Variants in DOCK11 observed in about 807,000 individuals in gnomAD.
The protein encoded by DOCK11 is dedicator of cytokinesis protein 11.
A neutral mutation model predicts 169.1 loss-of-function variants in DOCK11; 70 were observed. That is an observed-to-expected ratio of 0.41 (90% CI 0.34 to 0.51). The LOEUF (loss-of-function observed/expected upper bound fraction) is 0.51, where lower values mean the gene tolerates loss of function less well. Among genes scored for constraint, DOCK11 ranks in the 20% least tolerant of loss-of-function variants. DOCK11 has a pLI of 0.10. For missense variants in DOCK11, 1,166 were observed against 1,538.8 expected, an observed-to-expected ratio of 0.76 and a Z score of 4.05; for synonymous variants, 529 against 541.3, an observed-to-expected ratio of 0.98 and a Z score of 0.32.
At chrX:118,596,368 C>T (rs1178983605) in intron 20 of DOCK11, among the ~76,000 whole-genome samples, 2 of 112,336 alleles carry the variant, frequency 1.8e-5, no homozygotes, top group African/African-American at 6.5e-5. Flanking sequence ...ATGTTTTAGT[C>T]TCCTTTTAAG....
chrX:118,670,408 G>A (rs1225998464), intron 45 of DOCK11, among the ~76,000 whole-genome samples: 1 of 111,555 alleles, frequency 9.0e-6, no homozygotes, highest in Non-Finnish European at 1.9e-5. Flanking sequence ...TGTTATTCTG[G>A]CAGCGCTGGT....
At chrX:118,665,116 C>T (rs201260865) in intron 45 of DOCK11, among the ~76,000 whole-genome samples, 1 of 111,792 alleles carries the variant, frequency 8.9e-6, no homozygotes, top group African/African-American at 3.2e-5. Context: ...ACAATACATG[C>T]GAAAACTTAA....
intron 45 of DOCK11, among the ~76,000 whole-genome samples, chrX:118,667,078 G>A (rs1162734136): frequency 9.0e-6 from 1 of 111,023 alleles, no homozygotes; most frequent in Non-Finnish European, 1.9e-5. Flanking sequence ...ACTTTTTATT[G>A]TTGTTTTGTG....
chrX:118,656,020 T>C (rs2016058878), intron 44 of DOCK11, among the ~76,000 whole-genome samples: 1 of 111,534 alleles, frequency 9.0e-6, no homozygotes, highest in Non-Finnish European at 1.9e-5. Flanking sequence ...CCGAGTGTGG[T>C]GACTCAGACC....
intron 5 of DOCK11, 152 bp from the exon 6 acceptor site, chrX:118,545,869 C>A (rs1319230786): frequency 4.7e-6 from 2 of 428,732 alleles, no homozygotes; most frequent in East Asian, 7.6e-5. Flanking sequence ...GCCTTTCATT[C>A]TACAGTCAAC....
rs1244622526 is a variant in DOCK11 at position 118,681,693 on chromosome X, G to A, written c.5863-1G>A. ...CTCATTTTTCTTCTATTGTGATATA[G>A]GTCAATGCTGGTCCATTAGCATATG... On this transcript the variant is annotated splice_acceptor_variant, in intron 50 of 52. Coordinates refer to ENST00000276202, the MANE Select transcript of DOCK11 (RefSeq NM_144658.4). LOFTEE classifies it high-confidence loss of function. The A allele has an allele frequency of 4.2e-6, 5 of 1,177,749 alleles. No homozygotes were observed. The highest frequency in any genetic ancestry group is 5.7e-6 in the Non-Finnish European group (5 of 875,989).
At chrX:118,527,910 A>C (rs1347114690) in intron 1 of DOCK11, among the ~76,000 whole-genome samples, 2 of 112,356 alleles carry the variant, frequency 1.8e-5, no homozygotes, top group African/African-American at 6.5e-5. Context: ...AGAATTGACT[A>C]AACCCCCAGA....
intron 1 of DOCK11, among the ~76,000 whole-genome samples, chrX:118,496,403 C>T (rs1423109756): frequency 8.9e-6 from 1 of 112,455 alleles, no homozygotes; most frequent in East Asian, 2.8e-4. Context: ...TGACCTCGCG[C>T]TGCTCTGGAC....
chrX:118,672,391 A>T (rs1462974630), intron 46 of DOCK11, among the ~76,000 whole-genome samples: 1 of 112,741 alleles, frequency 8.9e-6, no homozygotes, highest in Middle Eastern at 4.6e-3. Flanking sequence ...AAGCCATTTT[A>T]AAAAAGCAAG....
At position 118,598,039 on chromosome X, in the gene DOCK11, G is replaced by C. The variant is rs147382406; in HGVS notation, c.2395G>C (p.Val799Leu). The change falls in exon 22 of 53, where the codon GTG (valine) becomes CTG (leucine). Residue 799 changes from valine (V) to leucine (L), a missense_variant. Physicochemically the swap from Val to Leu is conservative, Grantham distance 32 (BLOSUM62 1). Coordinates refer to ENST00000276202, the MANE Select transcript of DOCK11 (RefSeq NM_144658.4). ...AATTTTCTGTTCACAGCAATGTAAC[G>C]TGGATATTAAATGGGTAGATGGTGC... ...NDAESRRQCNVDIKWVDGAKP... is the reference protein window; with the variant it reads ...NDAESRRQCNLDIKWVDGAKP... 2 of 1,184,851 alleles carry C rather than the reference G, an allele frequency of 1.7e-6. No individual in the cohort carries two copies. Among genetic ancestry groups the C allele is most frequent in the African/African-American group, 3.5e-5 (2 of 56,839 alleles).
At position 118,658,830 on chromosome X, in the gene DOCK11, C is replaced by G. The variant is rs192300263; in HGVS notation, c.4970-3856C>G. 3.6e-5 allele frequency among the ~76,000 whole-genome samples: 4 copies of G among 111,844 alleles called. No individual in the cohort carries two copies. In the East Asian group the frequency reaches 1.1e-3, roughly 31 times the overall value. ...TTTTTTCTTTTCCTAAGAGAGGGTA[C>G]AACTGTTTTCCCCAGGGAAGACAAG... On this transcript the variant is annotated intron_variant, in intron 44 of 52. Coordinates refer to ENST00000276202, the MANE Select transcript of DOCK11 (RefSeq NM_144658.4).
At chrX:118,647,814 T>TAATAATATATAA (rs1569440740) in intron 40 of DOCK11, among the ~76,000 whole-genome samples, 6 of 49,931 alleles carry the variant, frequency 1.2e-4, no homozygotes, top group Non-Finnish European at 1.6e-4. Context: ...ATAATATATA[T>TAATAATATATAA]TATATTATTA....
At chrX:118,601,751 T>G (rs1029090301) in intron 23 of DOCK11, among the ~76,000 whole-genome samples, 1 of 111,602 alleles carries the variant, frequency 9.0e-6, no homozygotes, top group Non-Finnish European at 1.9e-5. Flanking sequence ...ATAACCTTAG[T>G]GCTGAAAAGG....
Position 118,580,213 on chromosome X carries a change from G to T in DOCK11, c.1595+34G>T, listed in dbSNP as rs774368396. On this transcript the variant is annotated intron_variant, in intron 14 of 52. Coordinates refer to ENST00000276202, the MANE Select transcript of DOCK11 (RefSeq NM_144658.4). Reference sequence around the variant, plus strand: ...AAATATAATCCTGACCCGCTCACTCGTGTTCATATGTGAAGTTAAGGGCTG... The same window carrying T: ...AAATATAATCCTGACCCGCTCACTCTTGTTCATATGTGAAGTTAAGGGCTG... 1.3e-5 allele frequency: 15 copies of T among 1,117,340 alleles called. No homozygotes were observed. The South Asian group carries it at 2.4e-4, about 18-fold the overall frequency. 92.1% of individuals were successfully genotyped at this position (1,117,340 alleles called of 1,213,427 possible).
intron 1 of DOCK11, among the ~76,000 whole-genome samples, chrX:118,533,179 A>C (rs2011642990): frequency 9.0e-6 from 1 of 110,913 alleles, no homozygotes. Context: ...TTTGGTAGAG[A>C]CAGGGTTTCA....
At position 118,598,064 on chromosome X, in the gene DOCK11, C is replaced by G; in HGVS notation, c.2420C>G (p.Ala807Gly). 8.3e-7 allele frequency: 1 copy of G among 1,198,152 alleles called. No homozygotes were observed. ...CNVDIKWVDG[A>G]KPLLKIKSHL... is the part of the protein sequence containing the mutation. ...GTGGATATTAAATGGGTAGATGGTG[C>G]AAAGCCTTTGTTGAAGATTAAAAGC... The change falls in exon 22 of 53, where the codon GCA becomes GGA. Residue 807 changes from alanine (A) to glycine (G), a missense_variant. By Grantham distance (60) the Ala-to-Gly change is moderately conservative. Coordinates refer to ENST00000276202, the MANE Select transcript of DOCK11 (RefSeq NM_144658.4).
chrX:118,505,109 C>T (rs5957017), intron 1 of DOCK11, among the ~76,000 whole-genome samples: 5,729 of 112,021 alleles, frequency 0.051, 369 homozygotes, highest in African/African-American at 0.17. Flanking sequence ...CTGTAACCTC[C>T]GCCTCCTGGG....
chrX:118,527,150 T>TATACATATACTC (rs2011395812), intron 1 of DOCK11, among the ~76,000 whole-genome samples: 2 of 112,528 alleles, frequency 1.8e-5, no homozygotes, highest in African/African-American at 6.5e-5. Context: ...ACTTTTATCA[T>TATACATATACTC]TAGATGAGTG....
rs753195693 is a variant in DOCK11, at chrX:118,593,272, A to G, written c.2198A>G (p.Tyr733Cys). Residue 733 changes from tyrosine to cysteine, a missense_variant, in exon 20 of 53, where the codon TAT becomes TGT. Transcript: ENST00000276202. ...HQKHHLLFTF[Y>C]HVSCEINTKG... The stretch of plus-strand genomic sequence containing the variant: ...AAACATCATTTGCTTTTCACTTTTT[A>G]TCATGTAAGTTGTGAAATTAACACA... 2.5e-6 allele frequency: 3 copies of G among 1,205,909 alleles called. No individual in the cohort carries two copies. Among genetic ancestry groups the G allele is most frequent in the Admixed American group, 2.2e-5 (1 of 45,486 alleles).
Sources: allele counts gnomAD v4.1 joint callset (sites outside exome capture counted in the v4.1 genomes callset), GRCh38; gene constraint gnomAD v4.1.1; transcripts MANE v1.5; gene names NCBI Gene and HGNC (gene_info 2026-07-23, HGNC 2026-07-21).